DCC: variants seen among roughly 807,000 people sequenced by gnomAD.
DCC encodes the protein netrin receptor DCC.
Under a neutral mutation model 172.5 loss-of-function variants are expected in DCC, and 58 were observed. That is an observed-to-expected ratio of 0.34 (90% CI 0.27 to 0.42). The LOEUF (loss-of-function observed/expected upper bound fraction) is 0.42. Ranked by LOEUF, DCC falls within the 10% of genes least tolerant of loss-of-function variation. The pLI, the probability that DCC is intolerant of heterozygous loss-of-function variation, is 1.00. For synonymous variants in DCC, 709 were observed against 644.5 expected (o/e 1.10, Z -1.52); for missense variants, 1,740 against 1,791.0 (o/e 0.97, Z 0.51).
chr18:53,473,894 T>C (rs1044113703), intron 25 of DCC, among the ~76,000 whole-genome samples: 1 of 152,200 alleles, frequency 6.6e-6, no homozygotes, highest in Non-Finnish European at 1.5e-5. Context: ...GCTTGATCCA[T>C]CTACTCTACT....
chr18:53,068,818 T>TGTGTG (rs763488670), intron 7 of DCC, among the ~76,000 whole-genome samples: 39 of 151,366 alleles, frequency 2.6e-4, no homozygotes, highest in South Asian at 4.2e-4. Context: ...TGTGTGTGTG[T>TGTGTG]TGCTGGGGAC....
intron 1 of DCC, among the ~76,000 whole-genome samples, chr18:52,665,504 T>C (rs991280749): frequency 3.3e-5 from 5 of 152,342 alleles, no homozygotes; most frequent in African/African-American, 1.2e-4. Flanking sequence ...TTTGCTGGTG[T>C]GTGGAGCAGA....
At chr18:53,172,875 T>C (rs567064261) in intron 8 of DCC, among the ~76,000 whole-genome samples, 2 of 152,258 alleles carry the variant, frequency 1.3e-5, no homozygotes, top group African/African-American at 4.8e-5. Flanking sequence ...CCAGATTTCA[T>C]TCTTAAGTGT....
At chr18:52,734,945 G>T (rs922654734) in intron 1 of DCC, among the ~76,000 whole-genome samples, 2 of 152,058 alleles carry the variant, frequency 1.3e-5, no homozygotes, top group Admixed American at 1.3e-4. Flanking sequence ...ATGTTTGAAA[G>T]CCCTGATACT....
chr18:53,428,111 A>T (rs867583233), intron 21 of DCC, among the ~76,000 whole-genome samples: 1 of 36,580 alleles, frequency 2.7e-5, no homozygotes, highest in Non-Finnish European at 4.6e-5. Flanking sequence ...AATATAATAT[A>T]ATAATATATA....
chr18:53,296,709 C>T (rs1452861749), intron 12 of DCC, among the ~76,000 whole-genome samples: 1 of 152,164 alleles, frequency 6.6e-6, no homozygotes, highest in Non-Finnish European at 1.5e-5. Flanking sequence ...GATGGGCACA[C>T]TTTAATGAAA....
intron 12 of DCC, among the ~76,000 whole-genome samples, chr18:53,259,751 T>C (rs1412937388): frequency 6.6e-6 from 1 of 152,210 alleles, no homozygotes; most frequent in Admixed American, 6.5e-5. Context: ...AATTTGAATA[T>C]TGGCCTGCCT....
chr18:53,329,299 T>A (rs1426531808), intron 14 of DCC, among the ~76,000 whole-genome samples: 1 of 144,192 alleles, frequency 6.9e-6, no homozygotes, highest in Non-Finnish European at 1.5e-5. Context: ...CAAGAAAAAC[T>A]TTAAAAATTC....
chr18:52,687,120 T>C (rs557356147), intron 1 of DCC, among the ~76,000 whole-genome samples: 8 of 152,182 alleles, frequency 5.3e-5, no homozygotes, highest in Non-Finnish European at 1.2e-4. Flanking sequence ...ACTCTTTAAA[T>C]GAATATACTG....
intron 28 of DCC, among the ~76,000 whole-genome samples, chr18:53,529,164 T>C (rs993533203): frequency 3.9e-5 from 6 of 152,032 alleles, no homozygotes; most frequent in Non-Finnish European, 8.8e-5. Flanking sequence ...GGGTAGTGTA[T>C]GCCCGAATCA....
chr18:53,155,544 C>G (rs866993933), intron 7 of DCC, among the ~76,000 whole-genome samples: 1 of 152,066 alleles, frequency 6.6e-6, no homozygotes, highest in Non-Finnish European at 1.5e-5. Flanking sequence ...AATAGAAAAC[C>G]CTGTCTTACA....
At chr18:53,213,465 T>C (rs1351227336) in intron 11 of DCC, among the ~76,000 whole-genome samples, 1 of 151,658 alleles carries the variant, frequency 6.6e-6, no homozygotes, top group Non-Finnish European at 1.5e-5. Flanking sequence ...CTGACCAACA[T>C]GGTGAAACCC....
intron 26 of DCC, among the ~76,000 whole-genome samples, chr18:53,497,501 C>A (rs2046039191): frequency 6.6e-6 from 1 of 152,206 alleles, no homozygotes; most frequent in Admixed American, 6.5e-5. Context: ...GCCAGTGCCA[C>A]AAAGATGCCC....
chr18:53,213,021 T>C (rs546283586), intron 11 of DCC, among the ~76,000 whole-genome samples: 1 of 152,236 alleles, frequency 6.6e-6, no homozygotes, highest in African/African-American at 2.4e-5. Context: ...TATAAAATTG[T>C]GGTAGCTACA....
intron 13 of DCC, among the ~76,000 whole-genome samples, chr18:53,321,568 T>G (rs1225902657): frequency 1.3e-5 from 2 of 152,104 alleles, no homozygotes; most frequent in African/African-American, 2.4e-5. Flanking sequence ...TGAAAGATGG[T>G]TTTAAGAGAC....
chr18:53,090,698 C>CAAAAAAAAAAAAAA (rs59898050), intron 7 of DCC, among the ~76,000 whole-genome samples: 440 of 39,360 alleles, frequency 0.011, 91 homozygotes, highest in Non-Finnish European at 0.016. Context: ...CGTCCCCCAA[C>CAAAAAAAAAAAAAA]AAAAAAAAAA....
chr18:53,390,251 T>TTCTCTCTC (rs3838902), intron 16 of DCC, among the ~76,000 whole-genome samples: 1 of 133,432 alleles, frequency 7.5e-6, no homozygotes, highest in Non-Finnish European at 1.8e-5. Flanking sequence ...CTCTTTCTCT[T>TTCTCTCTC]TCTCTCTCTC....
chr18:52,796,434 A>G (rs755510373), intron 2 of DCC, among the ~76,000 whole-genome samples: 1 of 152,020 alleles, frequency 6.6e-6, no homozygotes, highest in Non-Finnish European at 1.5e-5. Context: ...ATGTATTTCC[A>G]TGATGGTAGA....
intron 27 of DCC, among the ~76,000 whole-genome samples, chr18:53,510,260 C>T (rs905639863): frequency 2.6e-5 from 4 of 152,160 alleles, no homozygotes; most frequent in African/African-American, 9.7e-5. Context: ...ATAAAAATTT[C>T]CCATTCAGCC....
Sources: allele counts gnomAD v4.1 joint callset (sites outside exome capture counted in the v4.1 genomes callset), GRCh38; gene constraint gnomAD v4.1.1; transcripts MANE v1.5; gene names NCBI Gene and HGNC (gene_info 2026-07-23, HGNC 2026-07-21).